STPG2: variants seen among roughly 807,000 people sequenced by gnomAD.
STPG2 encodes sperm-tail PG-rich repeat-containing protein 2.
In STPG2, 56 loss-of-function variants were observed where a neutral mutation model predicts 54.2. The observed-to-expected ratio is 1.03, with a 90% CI of 0.83 to 1.29. The LOEUF (loss-of-function observed/expected upper bound fraction) is 1.29, where lower values mean the gene tolerates loss of function less well. STPG2 is among the 50% of genes most tolerant of loss of function. The probability of loss-of-function intolerance (pLI) is 0.00; values close to 1 mark genes in which losing one functional copy is unlikely to be tolerated. For missense variants in STPG2, 596 were observed against 544.9 expected, an observed-to-expected ratio of 1.09 and a Z score of -0.93; for synonymous variants, 200 against 181.8, an observed-to-expected ratio of 1.10 and a Z score of -0.81.
chr4:98,004,761 A>G (rs998140602), intron 5 of STPG2, among the ~76,000 whole-genome samples: 7 of 152,100 alleles, frequency 4.6e-5, no homozygotes, highest in Non-Finnish European at 8.8e-5. Flanking sequence ...ATTTTTTCAT[A>G]TAACTGTTGG....
intron 4 of STPG2, among the ~76,000 whole-genome samples, chr4:97,478,870 AAT>A (rs1491435138): frequency 5.5e-5 from 7 of 126,996 alleles, no homozygotes; most frequent in African/African-American, 1.2e-4. Context: ...AACCAAGCCA[AAT>A]ATGTGTGTGT....
intron 8 of STPG2, among the ~76,000 whole-genome samples, chr4:97,868,286 C>T (rs999234552): frequency 4.0e-5 from 6 of 151,662 alleles, no homozygotes; most frequent in Non-Finnish European, 8.8e-5. Flanking sequence ...GGATTATTTC[C>T]TCATTGATAT....
intron 9 of STPG2, among the ~76,000 whole-genome samples, chr4:97,720,529 T>C (rs1724417094): frequency 6.6e-6 from 1 of 152,018 alleles, no homozygotes; most frequent in Non-Finnish European, 1.5e-5. Flanking sequence ...ACAAATATCA[T>C]ATTAATCAAA....
At chr4:97,755,967 A>T (rs1725719713) in intron 9 of STPG2, among the ~76,000 whole-genome samples, 2 of 152,208 alleles carry the variant, frequency 1.3e-5, no homozygotes, top group South Asian at 4.1e-4. Flanking sequence ...GCACCATGAC[A>T]TAGATAAGCC....
chr4:98,142,750 AG>A (rs1200621465), intron 1 of STPG2, among the ~76,000 whole-genome samples: 1 of 152,216 alleles, frequency 6.6e-6, no homozygotes, highest in African/African-American at 2.4e-5. Context: ...CAACACAGCC[AG>A]GAAATCAAAA....
intron 9 of STPG2, among the ~76,000 whole-genome samples, chr4:97,824,457 T>C (rs752196891): frequency 6.6e-6 from 1 of 152,220 alleles, no homozygotes; most frequent in African/African-American, 2.4e-5. Flanking sequence ...CCTTAAACTG[T>C]AGCAAATCTG....
chr4:97,820,540 T>C (rs1316906584), intron 9 of STPG2, among the ~76,000 whole-genome samples: 2 of 152,200 alleles, frequency 1.3e-5, no homozygotes, highest in Non-Finnish European at 2.9e-5. Context: ...AAATTAAAAA[T>C]GCTACCACAG....
chr4:97,822,547 A>C (rs1377665485), intron 9 of STPG2, among the ~76,000 whole-genome samples: 1 of 152,228 alleles, frequency 6.6e-6, no homozygotes, highest in African/African-American at 2.4e-5. Context: ...TGCTATAAAG[A>C]AATACTTAAG....
intron 9 of STPG2, among the ~76,000 whole-genome samples, chr4:97,780,144 TAA>T (rs1194390830): frequency 8.4e-5 from 9 of 107,320 alleles, no homozygotes; most frequent in South Asian, 3.6e-4. Context: ...ACAAACTGGA[TAA>T]AGAGTCAAGA....
Position 98,134,387 on chromosome 4 carries a change from G to T in STPG2, c.182C>A (p.Ala61Asp). 6.3e-7 allele frequency: 1 copy of T among 1,583,632 alleles called. No homozygotes were observed. ...TFTIASSIEK[A>D]VPGPGHYNVS... ...ATTATAGTGTCCTGGACCTGGAACA[G>T]CTTTCTCAATGCTAGAGGCAATGGT... The change falls in exon 2 of 11, where the codon GCT (alanine) becomes GAT (aspartate). Residue 61 changes from alanine (A) to aspartate (D), a missense_variant. Physicochemically the swap from Ala to Asp is moderately radical, Grantham distance 126. Coordinates refer to ENST00000295268, the MANE Select transcript of STPG2 (RefSeq NM_174952.3).
At position 97,616,057 on chromosome 4, in the gene STPG2, AATATATATATATATATATAT is replaced by A. The variant is rs70953077; in HGVS notation, c.1321-56960_1321-56941del. Among the ~76,000 whole-genome samples the A allele has an allele frequency of 4.0e-3, 149 of 37,400 alleles. 9 individuals are homozygous for A. The East Asian group carries it at 0.074, about 19-fold the overall frequency. The allele number at this position is 37,400 out of a possible 152,430, so 24.5% of individuals were successfully genotyped here. On this transcript the variant is annotated intron_variant, in intron 10 of 10. Transcript: ENST00000295268. ...GTCTCAAAAAAAAAAAATACATATA[AATATATATATATATATATAT>A]ATATATATATATATATATGTATGTA...
chr4:97,744,482 T>C (rs1261974333), intron 9 of STPG2, among the ~76,000 whole-genome samples: 1 of 151,334 alleles, frequency 6.6e-6, no homozygotes, highest in Admixed American at 6.6e-5. Flanking sequence ...AATATAATTT[T>C]TTATTTTTAA....
intron 5 of STPG2, among the ~76,000 whole-genome samples, chr4:98,079,270 A>C (rs761633118): frequency 1.3e-5 from 2 of 152,236 alleles, no homozygotes; most frequent in South Asian, 4.1e-4. Context: ...GCAAATGTGG[A>C]TATGTATCCT....
chr4:97,603,375 T>C (rs1426499432), intron 10 of STPG2, among the ~76,000 whole-genome samples: 6 of 151,672 alleles, frequency 4.0e-5, no homozygotes, highest in Non-Finnish European at 7.4e-5. Context: ...GAATGTAGAA[T>C]AGTGTAGCTA....
Position 97,910,546 on chromosome 4 carries a change from G to T in STPG2, c.1044+33351C>A, listed in dbSNP as rs531106225. ...GCACCAAATTGACATCTGAACCACAGCCCACAAAAGTGGTCCAGGATATAT... is the reference window on the plus strand; with the variant it reads ...GCACCAAATTGACATCTGAACCACATCCCACAAAAGTGGTCCAGGATATAT... On this transcript the variant is annotated intron_variant, in intron 8 of 10. Transcript: ENST00000295268. Among the ~76,000 whole-genome samples the T allele has an allele frequency of 3.0e-4, 45 of 152,260 alleles. No homozygotes were observed. The East Asian group carries it at 8.5e-3, about 29-fold the overall frequency.
intron 3 of STPG2, among the ~76,000 whole-genome samples, chr4:98,126,384 G>A (rs1040066410): frequency 1.3e-5 from 2 of 152,248 alleles, no homozygotes; most frequent in African/African-American, 4.8e-5. Flanking sequence ...CCCGGGTGGT[G>A]TGGGCTCACG....
chr4:98,134,321 G>A, intron 2 of STPG2, 26 bp downstream of exon 2: 2 of 1,374,232 alleles, frequency 1.5e-6, no homozygotes, highest in South Asian at 3.2e-5. Flanking sequence ...GTTTTATTAA[G>A]TCAATTATAG....
intron 10 of STPG2, among the ~76,000 whole-genome samples, chr4:97,585,119 A>AC (rs1560672835): frequency 1.6e-5 from 2 of 127,622 alleles, no homozygotes; most frequent in Non-Finnish European, 1.5e-5. Context: ...AAAAAAAAAA[A>AC]AAAAACAAAA....
intron 9 of STPG2, among the ~76,000 whole-genome samples, chr4:97,734,345 T>A (rs916755920): frequency 6.6e-6 from 1 of 152,196 alleles, no homozygotes; most frequent in Non-Finnish European, 1.5e-5. Context: ...GAGTGCTTGT[T>A]ACACACACTA....
Sources: allele counts gnomAD v4.1 joint callset (sites outside exome capture counted in the v4.1 genomes callset), GRCh38; gene constraint gnomAD v4.1.1; transcripts MANE v1.5; gene names NCBI Gene and HGNC (gene_info 2026-07-23, HGNC 2026-07-21).